The following ABCB11 variants were observed in gnomAD, a reference collection of about 807,000 sequenced individuals.
ABCB11 encodes the protein bile salt export pump.
ABCB11 carries 95 observed loss-of-function variants against 148.0 expected under a neutral mutation model. The ratio of observed to expected loss-of-function variants is 0.64; its 90% CI spans 0.54 to 0.76. The LOEUF is 0.76. ABCB11 is among the 30% of genes least tolerant of loss of function. The pLI, the probability that ABCB11 is intolerant of heterozygous loss-of-function variation, is 0.00. For synonymous variants in ABCB11, 591 were observed against 555.4 expected (o/e 1.06, Z -0.90); for missense variants, 1,523 against 1,617.8 (o/e 0.94, Z 1.01).
chr2:168,984,857 T>C (rs750368540), intron 10 of ABCB11, among the ~76,000 whole-genome samples: 2 of 152,144 alleles, frequency 1.3e-5, no homozygotes, highest in Non-Finnish European at 2.9e-5. Context: ...AAAGCCCTTC[T>C]AGACTTTGGC....
rs77541330 is a variant in ABCB11, at chr2:168,954,406, A to G, written c.2343+3558T>C. 4.1e-3 allele frequency among the ~76,000 whole-genome samples: 621 copies of G among 151,672 alleles called. 2 individuals are homozygous for G. The highest frequency in any genetic ancestry group is 6.6e-3 in the Admixed American group (100 of 15,192). ...CCCTTTGAGCATTTCCTGTAGGTCC[A>G]ATCTAGTGGTGATAATTTTTCTAAA... On this transcript the variant is annotated intron_variant, in intron 19 of 27. Transcript: ENST00000650372.
chr2:168,960,710 A>G (rs1231542677), intron 18 of ABCB11, among the ~76,000 whole-genome samples: 1 of 151,676 alleles, frequency 6.6e-6, no homozygotes, highest in African/African-American at 2.4e-5. Flanking sequence ...AAACTAGAAA[A>G]TCTGTCCCTA....
Position 168,993,726 on chromosome 2 carries a change from T to C in ABCB11, c.768A>G (p.Ala256=). The C allele has an allele frequency of 6.2e-7, 1 of 1,609,194 alleles. No individual in the cohort carries two copies. Among genetic ancestry groups the C allele is most frequent in the Non-Finnish European group, 8.5e-7 (1 of 1,177,548 alleles). The stretch of plus-strand genomic sequence containing the variant: ...ACATTCTTACCAGACCAATGGTGGC[T>C]GCTCCAATCCCAATGAGAGGGCTGA... ...ISVSPLIGIG[A]ATIGLSVSKF... The change falls in exon 8 of 28, where the codon GCA becomes GCG. Residue 256 remains alanine (A), a synonymous_variant. Coordinates refer to ENST00000650372, the MANE Select transcript of ABCB11 (RefSeq NM_003742.4).
intron 19 of ABCB11, among the ~76,000 whole-genome samples, chr2:168,947,017 A>G (rs1437380556): frequency 1.3e-5 from 2 of 151,610 alleles, no homozygotes; most frequent in Non-Finnish European, 2.9e-5. Context: ...TTGAAATGCA[A>G]CTCCAAGGGC....
At chr2:168,945,815 T>C (rs1391828987) in intron 19 of ABCB11, among the ~76,000 whole-genome samples, 1 of 151,896 alleles carries the variant, frequency 6.6e-6, no homozygotes, top group Non-Finnish European at 1.5e-5. Flanking sequence ...ATTAGTTTTA[T>C]AGACTATACA....
At chr2:168,930,890 A>T (rs1691541424) in intron 24 of ABCB11, 28 bp from the exon 25 acceptor site, 1 of 1,545,790 alleles carries the variant, frequency 6.5e-7, no homozygotes, top group South Asian at 1.2e-5. Context: ...AAAATTAGAG[A>T]TGCTCTTACT....
At chr2:168,956,723 T>C (rs1692810206) in intron 19 of ABCB11, among the ~76,000 whole-genome samples, 1 of 151,608 alleles carries the variant, frequency 6.6e-6, no homozygotes, top group African/African-American at 2.4e-5. Context: ...TGACAGAGGC[T>C]GCTCCAGGAT....
chr2:169,019,783 A>T (rs906962276), intron 1 of ABCB11, among the ~76,000 whole-genome samples: 10 of 152,212 alleles, frequency 6.6e-5, no homozygotes, highest in Admixed American at 1.3e-4. Context: ...TCTCATCAGC[A>T]ATAGAGGCTA....
intron 17 of ABCB11, among the ~76,000 whole-genome samples, chr2:168,965,884 T>C (rs1693292876): frequency 6.6e-6 from 1 of 151,834 alleles, no homozygotes; most frequent in South Asian, 2.1e-4. Context: ...CTCCAATTTG[T>C]TCCCATTTTC....
At position 169,026,426 on chromosome 2, in the gene ABCB11, A is replaced by G. The variant is rs113455581; in HGVS notation, c.-28+4799T>C. 9.9e-4 allele frequency among the ~76,000 whole-genome samples: 151 copies of G among 152,236 alleles called. 2 individuals are homozygous for G. The highest frequency in any genetic ancestry group is 3.3e-3 in the African/African-American group (137 of 41,538). The stretch of plus-strand genomic sequence containing the variant: ...TCCCTTTATCTTTGGGCAGCTTAGA[A>G]ACGGCTGTGATGATTTTTGAAGGCC... On this transcript the variant is annotated intron_variant, in intron 1 of 27. Coordinates refer to ENST00000650372, the MANE Select transcript of ABCB11 (RefSeq NM_003742.4).
At chr2:168,966,507 C>T (rs1159387058) in intron 17 of ABCB11, among the ~76,000 whole-genome samples, 2 of 151,878 alleles carry the variant, frequency 1.3e-5, no homozygotes, top group African/African-American at 2.4e-5. Context: ...TTTTCAGAAA[C>T]TGACAACATC....
chr2:169,026,697 AT>A (rs1031054414), intron 1 of ABCB11, among the ~76,000 whole-genome samples: 2 of 152,084 alleles, frequency 1.3e-5, no homozygotes, highest in Non-Finnish European at 2.9e-5. Context: ...CTGGCAAATT[AT>A]TTTTTTTATC....
intron 1 of ABCB11, among the ~76,000 whole-genome samples, chr2:169,027,779 A>C (rs1242523727): frequency 6.6e-6 from 1 of 152,194 alleles, no homozygotes; most frequent in Non-Finnish European, 1.5e-5. Context: ...ACTACTTGCC[A>C]CTACAGCAAG....
intron 12 of ABCB11, among the ~76,000 whole-genome samples, chr2:168,975,303 TTAAATATTTATAGATAAATA>T (rs1356855605): frequency 1.5e-4 from 6 of 40,716 alleles, no homozygotes; most frequent in African/African-American, 3.5e-4. Context: ...ATTTTTATAT[TTAAATATTTATAGATAAATA>T]TATAAATATA....
At chr2:169,000,876 T>C (rs34138939) in intron 5 of ABCB11, among the ~76,000 whole-genome samples, 1 of 152,182 alleles carries the variant, frequency 6.6e-6, no homozygotes, top group Non-Finnish European at 1.5e-5. Flanking sequence ...TTTCTATTTG[T>C]TCTCTCTGTT....
chr2:169,006,103 CTTATATA>C (rs1695009929), intron 5 of ABCB11, among the ~76,000 whole-genome samples: 1 of 152,094 alleles, frequency 6.6e-6, no homozygotes, highest in Non-Finnish European at 1.5e-5. Context: ...GAAGAAAACT[CTTATATA>C]TTATATCTCT....
chr2:168,943,436 GA>G (rs1284685778), intron 21 of ABCB11, among the ~76,000 whole-genome samples: 1 of 151,986 alleles, frequency 6.6e-6, no homozygotes, highest in African/African-American at 2.4e-5. Context: ...AAACCTAGGG[GA>G]AAAACGTAAC....
intron 11 of ABCB11, among the ~76,000 whole-genome samples, chr2:168,977,853 T>C (rs555300001): frequency 2.0e-5 from 3 of 151,996 alleles, no homozygotes; most frequent in Non-Finnish European, 4.4e-5. Context: ...TGGGGGAAAA[T>C]GCTCCTGTGA....
At position 168,973,789 on chromosome 2, in the gene ABCB11, C is replaced by A. The variant is rs758400152; in HGVS notation, c.1360G>T (p.Val454Leu). Residue 454 changes from valine (V) to leucine (L), a missense_variant, in exon 13 of 28, where the codon GTA becomes TTA. Val to Leu is a conservative substitution (Grantham distance 32). Transcript: ENST00000650372. ...CTTTTTCCAGCTCCACTGGGTCCTA[C>A]CAGAGCTGTCATTTCCCCTGGTTTA... is the stretch of plus-strand genomic sequence containing the variant. ...VIKPGEMTAL[V>L]GPSGAGKSTA... The A allele has an allele frequency of 4.3e-6, 7 of 1,612,040 alleles. No homozygotes were observed. In the Admixed American group the frequency reaches 1.2e-4, roughly 27 times the overall value.
Sources: gnomAD v4.1 joint callset for allele counts (sites outside exome capture counted in the v4.1 genomes callset) on GRCh38, gnomAD v4.1.1 for gene constraint, MANE v1.5 for transcripts, NCBI Gene and HGNC (gene_info 2026-07-23, HGNC 2026-07-21) for gene names.